RNF38: variants seen among roughly 807,000 people sequenced by gnomAD.
The protein encoded by RNF38 is E3 ubiquitin-protein ligase RNF38.
In RNF38, 15 loss-of-function variants were observed where a neutral mutation model predicts 67.2. The observed-to-expected ratio is 0.22, with a 90% CI of 0.15 to 0.34. RNF38 has a LOEUF of 0.34. RNF38 is among the 10% of genes least tolerant of loss of function. RNF38 has a pLI of 1.00. For synonymous variants in RNF38, 220 were observed against 218.8 expected, an observed-to-expected ratio of 1.01 and a Z score of -0.05; for missense variants, 524 against 639.9, an observed-to-expected ratio of 0.82 and a Z score of 1.95.
At chr9:36,400,350 A>T, upstream of RNF38, 1 of 1,224,776 alleles carries the variant, frequency 8.2e-7, no homozygotes, top group Non-Finnish European at 1.0e-6. Context: ...AAAGGGAGGG[A>T]GCGAGAGAGC....
intron 1 of RNF38, among the ~76,000 whole-genome samples, chr9:36,461,353 T>C (rs1461168024): frequency 2.6e-5 from 4 of 152,176 alleles, no homozygotes; most frequent in African/African-American, 9.7e-5. Flanking sequence ...TAAAACCTTC[T>C]TTAGACTGAG....
intron 1 of RNF38, among the ~76,000 whole-genome samples, chr9:36,443,663 T>C (rs1839243444): frequency 6.6e-6 from 1 of 152,048 alleles, no homozygotes; most frequent in South Asian, 2.1e-4. Context: ...AAAAAGAATG[T>C]AATTAAAATG....
intron 1 of RNF38, among the ~76,000 whole-genome samples, chr9:36,392,754 G>A (rs1837206698): frequency 1.3e-5 from 2 of 152,034 alleles, no homozygotes; most frequent in South Asian, 4.1e-4. Flanking sequence ...AACATGGTGA[G>A]ACAATTTCTA....
chr9:36,393,477 T>TGTGTGTGTGTGTGTG (rs1554689571), intron 1 of RNF38, among the ~76,000 whole-genome samples: 2 of 87,796 alleles, frequency 2.3e-5, no homozygotes, highest in Non-Finnish European at 5.0e-5. Flanking sequence ...CACACACACA[T>TGTGTGTGTGTGTGTG]TGTGTGTGTG....
chr9:36,480,135 C>T (rs1397358282), intron 1 of RNF38, among the ~76,000 whole-genome samples: 1 of 152,076 alleles, frequency 6.6e-6, no homozygotes, highest in African/African-American at 2.4e-5. Context: ...CACACCACCA[C>T]ACCCAGCTAA....
chr9:36,415,517 C>T (rs1268418685), intron 2 of RNF38, among the ~76,000 whole-genome samples: 1 of 152,144 alleles, frequency 6.6e-6, no homozygotes, highest in African/African-American at 2.4e-5. Context: ...GGGTGATCCC[C>T]TGACATGGTG....
chr9:36,452,768 A>G (rs896206036), intron 1 of RNF38, among the ~76,000 whole-genome samples: 3 of 152,132 alleles, frequency 2.0e-5, no homozygotes, highest in Non-Finnish European at 4.4e-5. Flanking sequence ...CCTGGCCTCA[A>G]GTGATCCGCC....
chr9:36,373,589 CTTTT>C (rs71494622), intron 3 of RNF38, among the ~76,000 whole-genome samples: 1 of 131,750 alleles, frequency 7.6e-6, no homozygotes, highest in Non-Finnish European at 1.6e-5. Flanking sequence ...TTTGTTAGCC[CTTTT>C]TTTTTTTTTT....
chr9:36,366,348 T>C (rs1834961101), intron 4 of RNF38, among the ~76,000 whole-genome samples: 1 of 152,228 alleles, frequency 6.6e-6, no homozygotes, highest in Non-Finnish European at 1.5e-5. Context: ...TTAGACTTTT[T>C]TCCCTTTCCT....
rs34504795 is a variant in RNF38, at chr9:36,477,821, C to CAAAAA, written n.241+9482_241+9486dup. Among the ~76,000 whole-genome samples, 92 of 110,398 alleles carry CAAAAA rather than the reference C, an allele frequency of 8.3e-4. 1 individual carries two copies. The East Asian group carries it at 0.016, about 20-fold the overall frequency. 72.4% of individuals were successfully genotyped at this position (110,398 alleles called of 152,430 possible). On this transcript the variant is annotated intron_variant and non_coding_transcript_variant, in intron 1 of 3. Coordinates refer to the RNF38 transcript ENST00000488058. ...TGGGCGACAGAGGGAGACTCTGTCTCAAAAAAAAAAAAAAAGAAAGAAAAA... is the reference window on the plus strand; with the variant it reads ...TGGGCGACAGAGGGAGACTCTGTCTCAAAAAAAAAAAAAAAAAAAAGAAAGAAAAA...
chr9:36,434,969 C>T (rs544299191), intron 1 of RNF38, among the ~76,000 whole-genome samples: 1 of 152,162 alleles, frequency 6.6e-6, no homozygotes, highest in African/African-American at 2.4e-5. Context: ...TAAGAGAATA[C>T]TCTGCAACTA....
intron 2 of RNF38, among the ~76,000 whole-genome samples, chr9:36,423,948 C>CAAAAAAAAAAAA (rs1176900248): frequency 1.3e-4 from 1 of 7,412 alleles, no homozygotes; most frequent in African/African-American, 4.4e-4. Flanking sequence ...GACTCCGTCT[C>CAAAAAAAAAAAA]AAAAAAAAAA....
intron 4 of RNF38, among the ~76,000 whole-genome samples, chr9:36,364,340 T>C (rs1000800530): frequency 7.2e-5 from 11 of 152,316 alleles, no homozygotes; most frequent in Admixed American, 7.2e-4. Flanking sequence ...ACTAAATATG[T>C]ATTAACTATG....
chr9:36,371,057 G>C lies in RNF38; in HGVS notation c.357-1125C>G, dbSNP rs1282304730. Among the ~76,000 whole-genome samples, 4 of 152,274 alleles carry C rather than the reference G, an allele frequency of 2.6e-5. No individual in the cohort carries two copies. The East Asian group carries it at 7.7e-4, about 29-fold the overall frequency. On this transcript the variant is annotated intron_variant, in intron 3 of 11. Coordinates refer to ENST00000259605, the MANE Select transcript of RNF38 (RefSeq NM_022781.5). Reference sequence around the variant, plus strand: ...TGAAACTGCTTTTTACAATGGCTCAGCACAAAAGCAACTTGAAAAAGTACT... The same window carrying C: ...TGAAACTGCTTTTTACAATGGCTCACCACAAAAGCAACTTGAAAAAGTACT...
At chr9:36,464,355 T>G (rs1255163386) in intron 1 of RNF38, among the ~76,000 whole-genome samples, 3 of 151,880 alleles carry the variant, frequency 2.0e-5, no homozygotes, top group Admixed American at 6.6e-5. Flanking sequence ...GATCACAAGG[T>G]CAGGAGTTCG....
At chr9:36,417,749 G>A (rs1188861091) in intron 2 of RNF38, among the ~76,000 whole-genome samples, 1 of 152,072 alleles carries the variant, frequency 6.6e-6, no homozygotes, top group East Asian at 1.9e-4. Context: ...GGCCCCAAGT[G>A]ACCTGCCTGC....
At chr9:36,455,608 C>T (rs1163535411) in intron 1 of RNF38, among the ~76,000 whole-genome samples, 1 of 151,862 alleles carries the variant, frequency 6.6e-6, no homozygotes, top group African/African-American at 2.4e-5. Context: ...TGGTGAAACC[C>T]CGTCTCTACT....
At chr9:36,346,230 G>A (rs1833230173) in intron 9 of RNF38, among the ~76,000 whole-genome samples, 1 of 151,896 alleles carries the variant, frequency 6.6e-6, no homozygotes, top group African/African-American at 2.4e-5. Flanking sequence ...TTTTGAGTCA[G>A]AGTCTTGCTT....
chr9:36,460,938 C>T (rs1326134386), intron 1 of RNF38, among the ~76,000 whole-genome samples: 3 of 148,300 alleles, frequency 2.0e-5, no homozygotes, highest in Non-Finnish European at 3.0e-5. Flanking sequence ...GGAGGCTGGT[C>T]GCGATGGCTC....
Sources: allele counts gnomAD v4.1 joint callset (sites outside exome capture counted in the v4.1 genomes callset), GRCh38; gene constraint gnomAD v4.1.1; transcripts MANE v1.5; gene names NCBI Gene and HGNC (gene_info 2026-07-23, HGNC 2026-07-21).